Variants in AGBL4 observed in about 807,000 individuals in gnomAD.
AGBL4 encodes cytosolic carboxypeptidase 6.
In AGBL4, 58 loss-of-function variants were observed where a neutral mutation model predicts 66.4. The ratio of observed to expected loss-of-function variants is 0.87; its 90% confidence interval spans 0.71 to 1.09. AGBL4 has a LOEUF of 1.09. AGBL4 is among the 50% of genes least tolerant of loss of function. The pLI, the probability that AGBL4 is intolerant of heterozygous loss-of-function variation, is 0.00. For missense variants in AGBL4, 579 were observed against 631.0 expected (o/e 0.92, Z 0.88); for synonymous variants, 234 against 222.9 (o/e 1.05, Z -0.44).
chr1:49,921,356 AT>A (rs1280644501), intron 1 of AGBL4, among the ~76,000 whole-genome samples: 2 of 152,222 alleles, frequency 1.3e-5, no homozygotes, highest in Non-Finnish European at 2.9e-5. Flanking sequence ...GAGCAATGCA[AT>A]TCAATATATC....
chr1:49,348,614 C>T (rs569539124), intron 3 of AGBL4, among the ~76,000 whole-genome samples: 10 of 152,180 alleles, frequency 6.6e-5, no homozygotes, highest in Non-Finnish European at 1.3e-4. Flanking sequence ...TGTCCCAGAG[C>T]CTCCAGAGGG....
At chr1:49,470,747 G>T (rs79113997) in intron 3 of AGBL4, among the ~76,000 whole-genome samples, 4,029 of 152,108 alleles carry the variant, frequency 0.026, 79 homozygotes, top group Admixed American at 0.038. Flanking sequence ...GGCATAATCT[G>T]CCCCTTAATT....
At chr1:49,758,593 C>G (rs547920419) in intron 2 of AGBL4, among the ~76,000 whole-genome samples, 1 of 152,226 alleles carries the variant, frequency 6.6e-6, no homozygotes, top group Non-Finnish European at 1.5e-5. Context: ...AATGACTGCC[C>G]TGCTGGATTT....
At chr1:49,352,246 A>G (rs753484852) in intron 3 of AGBL4, among the ~76,000 whole-genome samples, 1 of 152,128 alleles carries the variant, frequency 6.6e-6, no homozygotes, top group Non-Finnish European at 1.5e-5. Flanking sequence ...CCTCTTCTAA[A>G]TCAGACTCTC....
At chr1:48,934,928 C>G (rs1165687940) in intron 5 of AGBL4, among the ~76,000 whole-genome samples, 2 of 152,154 alleles carry the variant, frequency 1.3e-5, no homozygotes, top group African/African-American at 4.8e-5. Flanking sequence ...GTGTACTTAC[C>G]TAACTCAATG....
intron 6 of AGBL4, among the ~76,000 whole-genome samples, chr1:48,802,437 G>A (rs1321648213): frequency 1.3e-5 from 2 of 151,110 alleles, no homozygotes; most frequent in African/African-American, 4.9e-5. Flanking sequence ...ACCCCCATCA[G>A]TCTGGGCTTC....
intron 5 of AGBL4, among the ~76,000 whole-genome samples, chr1:48,873,478 G>T (rs1238690193): frequency 1.3e-5 from 2 of 152,076 alleles, no homozygotes; most frequent in Non-Finnish European, 2.9e-5. Context: ...CCATCACATT[G>T]TATTTCCGTG....
At chr1:48,762,170 C>T (rs2000016) in intron 6 of AGBL4, among the ~76,000 whole-genome samples, 1,768 of 152,230 alleles carry the variant, frequency 0.012, 34 homozygotes, top group African/African-American at 0.04. Context: ...GAGGAACAGC[C>T]GGGAGTGGGA....
chr1:49,757,951 A>G (rs1325863609), intron 2 of AGBL4, among the ~76,000 whole-genome samples: 2 of 152,202 alleles, frequency 1.3e-5, no homozygotes, highest in African/African-American at 4.8e-5. Flanking sequence ...GGCATGTCAG[A>G]GACCTTCACA....
At chr1:48,749,003 G>T (rs1651223880) in intron 6 of AGBL4, among the ~76,000 whole-genome samples, 1 of 152,094 alleles carries the variant, frequency 6.6e-6, no homozygotes, top group Non-Finnish European at 1.5e-5. Flanking sequence ...CTGAACCACA[G>T]AGCAGCAGAG....
chr1:49,761,579 A>G (rs1652319650), intron 2 of AGBL4, among the ~76,000 whole-genome samples: 1 of 152,168 alleles, frequency 6.6e-6, no homozygotes, highest in South Asian at 2.1e-4. Context: ...AAATTGACAC[A>G]TTGTAATTGT....
chr1:48,638,250 G>A (rs1645699199), intron 8 of AGBL4, among the ~76,000 whole-genome samples: 1 of 152,210 alleles, frequency 6.6e-6, no homozygotes, highest in South Asian at 2.1e-4. Context: ...GCCCCACGGA[G>A]TTGCACAGAA....
Position 48,874,794 on chromosome 1 carries a change from C to T in AGBL4, c.595-7564G>A, listed in dbSNP as rs138839148. Among the ~76,000 whole-genome samples the T allele has an allele frequency of 2.2e-4, 34 of 152,094 alleles. 1 individual carries two copies. The East Asian group carries it at 6.2e-3, about 28-fold the overall frequency. On this transcript the variant is annotated intron_variant, in intron 5 of 13. Transcript: ENST00000371839. ...TGTGAGGAAAGAGAGCAGAGATCAT[C>T]GAAATTTGGGAAACACTATCTCAAG...
intron 4 of AGBL4, among the ~76,000 whole-genome samples, chr1:49,237,023 A>C (rs1232706502): frequency 6.6e-6 from 1 of 151,850 alleles, no homozygotes; most frequent in Non-Finnish European, 1.5e-5. Context: ...TGGGAGGCCA[A>C]GGTGGGCGGA....
At chr1:48,684,039 G>A (rs1646493980) in intron 6 of AGBL4, among the ~76,000 whole-genome samples, 1 of 152,210 alleles carries the variant, frequency 6.6e-6, no homozygotes, top group Non-Finnish European at 1.5e-5. Context: ...TCAGAATCTG[G>A]CTGCCTAGGC....
intron 3 of AGBL4, among the ~76,000 whole-genome samples, chr1:49,261,515 A>G (rs1351187795): frequency 2.0e-5 from 3 of 149,678 alleles, no homozygotes; most frequent in Non-Finnish European, 4.5e-5. Context: ...TACACCAATA[A>G]CAGACAAACA....
intron 2 of AGBL4, among the ~76,000 whole-genome samples, chr1:49,817,723 CCT>C (rs35890927): frequency 0.42 from 64,014 of 151,858 alleles, 15,965 homozygotes; most frequent in Non-Finnish European, 0.57. Flanking sequence ...CATATTTTAC[CCT>C]GTTTAGATAT....
rs764850980 is a variant in AGBL4, at chr1:48,534,879, C to G, written c.1391+11G>C. ...ACTTACGGGCAATGTCATCTTGAAG[C>G]AGTTCCTTACCTTCTCTGGACTTCT... On this transcript the variant is annotated intron_variant, in intron 13 of 13. Transcript: ENST00000371839. The G allele has an allele frequency of 1.9e-6, 3 of 1,551,194 alleles. No homozygotes were observed. The highest frequency in any genetic ancestry group is 2.6e-6 in the Non-Finnish European group (3 of 1,146,596).
At chr1:49,296,295 A>G (rs952818085) in intron 3 of AGBL4, among the ~76,000 whole-genome samples, 1 of 152,196 alleles carries the variant, frequency 6.6e-6, no homozygotes, top group African/African-American at 2.4e-5. Context: ...CAAAGCTTGT[A>G]GAGGTGGAAC....
Sources: gnomAD v4.1 joint callset for allele counts (sites outside exome capture counted in the v4.1 genomes callset) on GRCh38, gnomAD v4.1.1 for gene constraint, MANE v1.5 for transcripts, NCBI Gene and HGNC (gene_info 2026-07-23, HGNC 2026-07-21) for gene names.